The following PRKN variants were observed in gnomAD, a reference collection of about 807,000 sequenced individuals.
The protein encoded by PRKN is E3 ubiquitin-protein ligase parkin.
Under a neutral mutation model 59.5 loss-of-function variants are expected in PRKN, and 56 were observed. The ratio of observed to expected loss-of-function variants is 0.94; its 90% CI spans 0.76 to 1.18. The LOEUF (loss-of-function observed/expected upper bound fraction) is 1.18, where lower values mean the gene tolerates loss of function less well. Among genes scored for constraint, PRKN ranks in the 50% most tolerant of loss-of-function variants. PRKN has a pLI of 0.00. For missense variants in PRKN, 657 were observed against 596.4 expected, an observed-to-expected ratio of 1.10 and a Z score of -1.06; for synonymous variants, 250 against 222.1, an observed-to-expected ratio of 1.13 and a Z score of -1.12.
At chr6:161,749,714 G>A in intron 7 of PRKN, among the ~76,000 whole-genome samples, 1 of 152,068 alleles carries the variant, frequency 6.6e-6, no homozygotes. Context: ...GAAAGGCTCT[G>A]TAATCCCTCG....
At chr6:162,349,483 A>T (rs191105134) in intron 2 of PRKN, among the ~76,000 whole-genome samples, 1 of 152,186 alleles carries the variant, frequency 6.6e-6, no homozygotes, top group East Asian at 1.9e-4. Flanking sequence ...ACAAATAAAC[A>T]AACAAAAAAT....
At chr6:162,464,650 C>G (rs1246738446) in intron 1 of PRKN, among the ~76,000 whole-genome samples, 1 of 115,074 alleles carries the variant, frequency 8.7e-6, no homozygotes, top group East Asian at 2.2e-4. Flanking sequence ...CCCATCTCTA[C>G]TAAAAATACA....
intron 1 of PRKN, among the ~76,000 whole-genome samples, chr6:162,668,804 A>G (rs528134423): frequency 2.8e-4 from 42 of 152,284 alleles, no homozygotes; most frequent in African/African-American, 9.9e-4. Flanking sequence ...TAAAGTAGGA[A>G]CAGGAAGGAC....
At chr6:161,427,199 T>C (rs1353851424) in intron 9 of PRKN, among the ~76,000 whole-genome samples, 1 of 152,182 alleles carries the variant, frequency 6.6e-6, no homozygotes, top group African/African-American at 2.4e-5. Context: ...TTTGTATTTT[T>C]AGACGAGACA....
intron 1 of PRKN, among the ~76,000 whole-genome samples, chr6:162,628,685 G>A (rs1258755185): frequency 6.6e-6 from 1 of 152,000 alleles, no homozygotes; most frequent in Admixed American, 6.6e-5. Context: ...CAGAGTGCAT[G>A]GTAATTATTG....
intron 7 of PRKN, among the ~76,000 whole-genome samples, chr6:161,768,313 G>C (rs142494513): frequency 2.4e-3 from 369 of 152,158 alleles, no homozygotes; most frequent in Non-Finnish European, 4.0e-3. Context: ...TTTGTGAAAG[G>C]GTTTTCAATT....
chr6:161,739,371 G>A (rs1788098139), intron 7 of PRKN, among the ~76,000 whole-genome samples: 1 of 152,044 alleles, frequency 6.6e-6, no homozygotes, highest in African/African-American at 2.4e-5. Flanking sequence ...TTGCACCACT[G>A]CACTCCAGCC....
At chr6:162,039,536 T>G (rs1783982281) in intron 5 of PRKN, among the ~76,000 whole-genome samples, 1 of 152,150 alleles carries the variant, frequency 6.6e-6, no homozygotes, top group Non-Finnish European at 1.5e-5. Context: ...CCTTTCCCCA[T>G]GGGACCTCTG....
At chr6:162,352,228 C>T (rs1273446581) in intron 2 of PRKN, among the ~76,000 whole-genome samples, 1 of 152,172 alleles carries the variant, frequency 6.6e-6, no homozygotes, top group Non-Finnish European at 1.5e-5. Context: ...CAGGTCATCC[C>T]ACCAGGGGGC....
At chr6:161,978,016 G>GTATTGTATTTTATTT (rs1195203435) in intron 5 of PRKN, among the ~76,000 whole-genome samples, 64 of 148,600 alleles carry the variant, frequency 4.3e-4, no homozygotes, top group African/African-American at 1.6e-3. Context: ...TTATTTTATT[G>GTATTGTATTTTATTT]TATTTTATTT....
chr6:161,650,268 G>A (rs1322278557), intron 7 of PRKN, among the ~76,000 whole-genome samples: 1 of 152,138 alleles, frequency 6.6e-6, no homozygotes, highest in Non-Finnish European at 1.5e-5. Flanking sequence ...TTTGTACAGG[G>A]AGAGAGAATT....
At chr6:161,651,913 C>T (rs559277457) in intron 7 of PRKN, among the ~76,000 whole-genome samples, 8 of 152,288 alleles carry the variant, frequency 5.3e-5, no homozygotes, top group African/African-American at 1.7e-4. Context: ...AAAACCCATA[C>T]AACAGTCATC....
chr6:162,186,790 A>G (rs1405130225), intron 4 of PRKN, among the ~76,000 whole-genome samples: 1 of 152,198 alleles, frequency 6.6e-6, no homozygotes, highest in East Asian at 1.9e-4. Context: ...CAGGTAAAAC[A>G]TCTCACATCT....
rs371058628 is a variant in PRKN, at chr6:161,505,210, C to T, written c.1083+43644G>A. Reference sequence around the variant, plus strand: ...TGTTGTTTCCTGACTTTTTAATGATCGCCATTCTAACTGGTGTGAGATGAT... The same window carrying T: ...TGTTGTTTCCTGACTTTTTAATGATTGCCATTCTAACTGGTGTGAGATGAT... On this transcript the variant is annotated intron_variant, in intron 9 of 11. Coordinates refer to ENST00000366898, the MANE Select transcript of PRKN (RefSeq NM_004562.3). Among the ~76,000 whole-genome samples, 106 of 152,288 alleles carry T rather than the reference C, an allele frequency of 7.0e-4. 1 individual carries two copies. The highest frequency in any genetic ancestry group is 3.9e-4 in the East Asian group (2 of 5,180).
intron 7 of PRKN, among the ~76,000 whole-genome samples, chr6:161,636,305 G>C (rs982947336): frequency 6.6e-6 from 1 of 152,246 alleles, no homozygotes; most frequent in South Asian, 2.1e-4. Context: ...TGGGCAGGAG[G>C]CTCAGAGAAA....
intron 6 of PRKN, among the ~76,000 whole-genome samples, chr6:161,844,772 A>G (rs899498903): frequency 1.2e-4 from 18 of 151,894 alleles, no homozygotes; most frequent in Admixed American, 3.9e-4. Context: ...CAGACCCTCC[A>G]CCCCCACCCC....
intron 9 of PRKN, among the ~76,000 whole-genome samples, chr6:161,504,380 G>T (rs1029677327): frequency 2.3e-4 from 35 of 152,324 alleles, no homozygotes; most frequent in Admixed American, 9.8e-4. Flanking sequence ...CAGGGTTTCA[G>T]GCAGGGCGGG....
At position 161,784,570 on chromosome 6, in the gene PRKN, A is replaced by G. The variant is rs373563612; in HGVS notation, c.871+1202T>C. Reference sequence around the variant, plus strand: ...TTAGAGAAATGAAAATCAAATCCACAATAAGACACCACTTCACACTTACTA... The same window carrying G: ...TTAGAGAAATGAAAATCAAATCCACGATAAGACACCACTTCACACTTACTA... On this transcript the variant is annotated intron_variant, in intron 7 of 11. Transcript: ENST00000366898. Among the ~76,000 whole-genome samples the G allele has an allele frequency of 1.3e-5, 2 of 152,360 alleles. 1 individual carries two copies.
chr6:162,044,097 G>A (rs1344843804), intron 5 of PRKN, among the ~76,000 whole-genome samples: 4 of 152,148 alleles, frequency 2.6e-5, no homozygotes, highest in Non-Finnish European at 5.9e-5. Flanking sequence ...GGGATTCAAG[G>A]AAGGCAGAAA....
Sources: gnomAD v4.1 joint callset for allele counts (sites outside exome capture counted in the v4.1 genomes callset) on GRCh38, gnomAD v4.1.1 for gene constraint, MANE v1.5 for transcripts, NCBI Gene and HGNC (gene_info 2026-07-23, HGNC 2026-07-21) for gene names.